Variants in RBFOX3 observed in about 807,000 individuals in gnomAD.
RBFOX3 encodes the protein RNA binding fox-1 homolog 3.
Under a neutral mutation model 48.7 loss-of-function variants are expected in RBFOX3, and 17 were observed. That is an observed-to-expected ratio of 0.35 (90% CI 0.24 to 0.52). The LOEUF (loss-of-function observed/expected upper bound fraction) is 0.52, where lower values mean the gene tolerates loss of function less well. RBFOX3 is among the 20% of genes least tolerant of loss of function. RBFOX3 has a pLI of 0.94. For missense variants in RBFOX3, 382 were observed against 497.5 expected (o/e 0.77, Z 2.21); for synonymous variants, 212 against 209.5 (o/e 1.01, Z -0.10).
rs1217389021 is a variant in RBFOX3, at chr17:79,473,055, G to C, written c.-175+9399C>G. On this transcript the variant is annotated intron_variant, in intron 2 of 14. Transcript: ENST00000693108. The surrounding 1 kb of genome is among the most constrained non-coding windows in gnomAD (Gnocchi z 4.2). Reference sequence around the variant, plus strand: ...GGTTTTTAGAAAACCTATAAAAATAGAATCACTAGAAAAATGGAATAAAGA... The same window carrying C: ...GGTTTTTAGAAAACCTATAAAAATACAATCACTAGAAAAATGGAATAAAGA... Among the ~76,000 whole-genome samples the C allele has an allele frequency of 2.0e-5, 3 of 151,872 alleles. No individual in the cohort carries two copies. The South Asian group carries it at 6.3e-4, about 32-fold the overall frequency.
chr17:79,658,730 G>T, the RBFOX3 span, among the ~76,000 whole-genome samples: 1,343 of 152,198 alleles, frequency 8.8e-3, 23 homozygotes, highest in African/African-American at 0.031. Flanking sequence ...GTGCTGCACT[G>T]TCATCGCCTC....
chr17:79,256,342 A>T (rs1488520007), intron 3 of RBFOX3, among the ~76,000 whole-genome samples: 9 of 151,812 alleles, frequency 5.9e-5, no homozygotes, highest in African/African-American at 1.7e-4. Context: ...ATTAAAAAAA[A>T]ATTCCCTACA....
At chr17:79,658,824 T>G in the RBFOX3 span, among the ~76,000 whole-genome samples, 1 of 152,082 alleles carries the variant, frequency 6.6e-6, no homozygotes, top group Non-Finnish European at 1.5e-5. Context: ...GAGCTTATAT[T>G]CTAGACAAAG....
intron 2 of RBFOX3, among the ~76,000 whole-genome samples, chr17:79,365,446 C>T (rs1427391067): frequency 6.6e-6 from 1 of 152,248 alleles, no homozygotes; most frequent in Non-Finnish European, 1.5e-5. Context: ...CATTAAATGC[C>T]TGTGATAACA....
At position 79,535,180 on chromosome 17, in the gene RBFOX3, G is replaced by A. The variant is rs987170437; in HGVS notation, c.-319-52582C>T. Among the ~76,000 whole-genome samples, 1 of 152,188 alleles carries A rather than the reference G, an allele frequency of 6.6e-6. No homozygotes were observed. Among genetic ancestry groups the A allele is most frequent in the Non-Finnish European group, 1.5e-5 (1 of 68,034 alleles). ...ACAGGTCCTGTCTCCTGCCTGCTCTGCTACCCTCAATGTAGGCCTCCCCCT... is the reference window on the plus strand; with the variant it reads ...ACAGGTCCTGTCTCCTGCCTGCTCTACTACCCTCAATGTAGGCCTCCCCCT... On this transcript the variant is annotated intron_variant, in intron 1 of 14. Transcript: ENST00000693108. This position sits in a 1 kb window ranked among gnomAD's most constrained non-coding sequence, Gnocchi z 4.5.
At chr17:79,582,382 G>T (rs2093100329) in intron 1 of RBFOX3, among the ~76,000 whole-genome samples, 1 of 152,154 alleles carries the variant, frequency 6.6e-6, no homozygotes, top group African/African-American at 2.4e-5. Context: ...GGAAAAGTGG[G>T]CATTCAGCCT....
At chr17:79,505,136 T>TGGA (rs2082910298) in intron 1 of RBFOX3, among the ~76,000 whole-genome samples, 1 of 151,886 alleles carries the variant, frequency 6.6e-6, no homozygotes, top group African/African-American at 2.4e-5. Flanking sequence ...GCTGCTTAAG[T>TGGA]GGAACAGTGG....
intron 1 of RBFOX3, among the ~76,000 whole-genome samples, chr17:79,568,708 C>T (rs1188054107): frequency 2.0e-5 from 3 of 152,188 alleles, no homozygotes; most frequent in Non-Finnish European, 2.9e-5. Flanking sequence ...CCCCCATGCC[C>T]TGTATGGTGA....
rs2084031840 is a variant in RBFOX3, at chr17:79,510,758, A to G, written c.-319-28160T>C. On this transcript the variant is annotated intron_variant, in intron 1 of 14. Coordinates refer to ENST00000693108, the MANE Select transcript of RBFOX3 (RefSeq NM_001350451.2). ...GGAGGACGTTTCCCTGGCATCCGTCACCAAACTTTTTCCTTTGGGCGCCTC... is the reference window on the plus strand; with the variant it reads ...GGAGGACGTTTCCCTGGCATCCGTCGCCAAACTTTTTCCTTTGGGCGCCTC... 2.6e-5 allele frequency among the ~76,000 whole-genome samples: 4 copies of G among 152,274 alleles called. No homozygotes were observed. In the South Asian group the frequency reaches 8.3e-4, roughly 32 times the overall value.
At chr17:79,326,611 C>T (rs909834363) in intron 2 of RBFOX3, among the ~76,000 whole-genome samples, 26 of 152,190 alleles carry the variant, frequency 1.7e-4, no homozygotes, top group Admixed American at 5.2e-4. Flanking sequence ...CTAGACAACC[C>T]GCAGGCACAG....
the RBFOX3 span, among the ~76,000 whole-genome samples, chr17:79,633,726 G>A: frequency 9.6e-4 from 146 of 152,148 alleles, no homozygotes; most frequent in African/African-American, 3.4e-3. Flanking sequence ...AATTTCCATC[G>A]TGAGGCATCG....
Position 79,488,027 on chromosome 17 carries a change from T to G in RBFOX3, c.-319-5429A>C, listed in dbSNP as rs374719247. ...GTCTTCAGGCTCCTAGAGGTGGGGG[T>G]GAGGTGGAATGAACTTCCCATTCTA... On this transcript the variant is annotated intron_variant, in intron 1 of 14. Coordinates refer to ENST00000693108, the MANE Select transcript of RBFOX3 (RefSeq NM_001350451.2). 2.0e-3 allele frequency among the ~76,000 whole-genome samples: 294 copies of G among 147,470 alleles called. 1 individual carries two copies. The highest frequency in any genetic ancestry group is 4.6e-3 in the South Asian group (21 of 4,574).
intron 2 of RBFOX3, among the ~76,000 whole-genome samples, chr17:79,381,026 C>T (rs1280574363): frequency 1.3e-5 from 2 of 152,140 alleles, no homozygotes; most frequent in Non-Finnish European, 2.9e-5. Context: ...CTTTGAGAGG[C>T]TGAGGTGGGC....
rs1011141975 is a variant in RBFOX3, at chr17:79,199,092, C to T, written c.-34+36674G>A. 1.3e-5 allele frequency among the ~76,000 whole-genome samples: 2 copies of T among 152,168 alleles called. No homozygotes were observed. Among genetic ancestry groups the T allele is most frequent in the African/African-American group, 4.8e-5 (2 of 41,424 alleles). The stretch of plus-strand genomic sequence containing the variant: ...GGAGAGAGGGAGGAGACCCAGAAAA[C>T]AGTGGGAAGCAAGTGGGGGCTGTCT... On this transcript the variant is annotated intron_variant, in intron 4 of 14. Coordinates refer to ENST00000693108, the MANE Select transcript of RBFOX3 (RefSeq NM_001350451.2). This position sits in a 1 kb window ranked among gnomAD's most constrained non-coding sequence, Gnocchi z 5.1.
intron 3 of RBFOX3, among the ~76,000 whole-genome samples, chr17:79,241,113 C>A (rs2062302776): frequency 6.6e-6 from 1 of 152,104 alleles, no homozygotes; most frequent in South Asian, 2.1e-4. Context: ...GTAGCTGAGA[C>A]TACAGGCAAG....
In RBFOX3 at chr17:79,517,005, G is replaced by A. The variant is rs886708119; in HGVS notation, c.-319-34407C>T. 1.5e-3 allele frequency among the ~76,000 whole-genome samples: 229 copies of A among 152,238 alleles called. 1 individual carries two copies. Among genetic ancestry groups the A allele is most frequent in the African/African-American group, 4.8e-3 (198 of 41,536 alleles). ...GGGGAGCCGGTGTTTCATAGGGGCC[G>A]AGCTTTGGTTGGGGAAGATGAGAAC... On this transcript the variant is annotated intron_variant, in intron 1 of 14. Transcript: ENST00000693108.
At chr17:79,338,480 C>A (rs563845288) in intron 2 of RBFOX3, among the ~76,000 whole-genome samples, 1 of 152,152 alleles carries the variant, frequency 6.6e-6, no homozygotes, top group Non-Finnish European at 1.5e-5. Context: ...TGGGAAGAGT[C>A]CCTGTGAAAC....
intron 4 of RBFOX3, among the ~76,000 whole-genome samples, chr17:79,224,815 C>T (rs983798217): frequency 1.3e-5 from 2 of 152,246 alleles, no homozygotes; most frequent in African/African-American, 4.8e-5. Flanking sequence ...CTCTTGTACT[C>T]ATCCAACTGG....
At chr17:79,621,838 G>T in the RBFOX3 span, among the ~76,000 whole-genome samples, 1 of 151,918 alleles carries the variant, frequency 6.6e-6, no homozygotes, top group Non-Finnish European at 1.5e-5. Context: ...AGCAGCTGCT[G>T]GTGGCTGCTC....
Sources: allele counts gnomAD v4.1 joint callset (sites outside exome capture counted in the v4.1 genomes callset), GRCh38; gene constraint gnomAD v4.1.1; non-coding constraint Gnocchi (gnomAD v3.1); transcripts MANE v1.5; gene names NCBI Gene and HGNC (gene_info 2026-07-23, HGNC 2026-07-21).